The following SNRNP40 variants were observed in gnomAD, a reference collection of about 807,000 sequenced individuals.
SNRNP40 encodes U5 small nuclear ribonucleoprotein 40 kDa protein.
A neutral mutation model predicts 45.8 loss-of-function variants in SNRNP40; 21 were observed. That is an observed-to-expected ratio of 0.46 (90% confidence interval 0.32 to 0.66). The LOEUF (loss-of-function observed/expected upper bound fraction) is 0.66. Among genes scored for constraint, SNRNP40 ranks in the 30% least tolerant of loss-of-function variants. The pLI, the probability that SNRNP40 is intolerant of heterozygous loss-of-function variation, is 0.03. For synonymous variants in SNRNP40, 142 were observed against 163.8 expected, an observed-to-expected ratio of 0.87 and a Z score of 1.01; for missense variants, 344 against 439.1, an observed-to-expected ratio of 0.78 and a Z score of 1.94.
Position 31,271,407 on chromosome 1 carries a change from A to T in SNRNP40, c.747T>A (p.Tyr249Ter). 1 of 1,614,018 alleles carries T rather than the reference A, an allele frequency of 6.2e-7. No individual in the cohort carries two copies. Among genetic ancestry groups the T allele is most frequent in the Non-Finnish European group, 8.5e-7 (1 of 1,179,992 alleles). Residue 249 changes from tyrosine to a stop codon, truncating the protein, a stop_gained, in exon 6 of 10, where the codon TAT becomes TAA. Transcript: ENST00000263694. LOFTEE classifies it high-confidence loss of function. ...TATTGTCCATTGCATTGGACAAAAGATAAGAGCCTTCAGAACTTAAACTCA... is the reference window on the plus strand; with the variant it reads ...TATTGTCCATTGCATTGGACAAAAGTTAAGAGCCTTCAGAACTTAAACTCA... ...TGLSLSSEGS[Y>*]LLSNAMDNTV...
chr1:31,290,123 T>C (rs569972617), intron 3 of SNRNP40, among the ~76,000 whole-genome samples: 2 of 152,086 alleles, frequency 1.3e-5, no homozygotes, highest in Non-Finnish European at 2.9e-5. Flanking sequence ...CCTCCTACAG[T>C]GCTAGGGTTA....
At chr1:31,294,280 A>G (rs561611450) in intron 1 of SNRNP40, among the ~76,000 whole-genome samples, 1 of 152,058 alleles carries the variant, frequency 6.6e-6, no homozygotes, top group South Asian at 2.1e-4. Context: ...TTATTTTTTC[A>G]TAGCAAACGG....
intron 8 of SNRNP40, chr1:31,261,843 A>C: frequency 2.3e-6 from 1 of 426,862 alleles, no homozygotes; most frequent in East Asian, 3.8e-5. Context: ...AGAATAACTA[A>C]AAATATAAGC....
At chr1:31,287,281 G>A (rs3766289) in intron 4 of SNRNP40, among the ~76,000 whole-genome samples, 84,134 of 151,854 alleles carry the variant, frequency 0.55, 23,995 homozygotes, top group Non-Finnish European at 0.63. Flanking sequence ...TTAAAAATAG[G>A]AGCTGGTTAA....
At chr1:31,269,455 G>A in intron 6 of SNRNP40, 2 of 1,175,368 alleles carry the variant, frequency 1.7e-6, no homozygotes, top group South Asian at 5.0e-5. Context: ...CTAGCTGAGG[G>A]GGCAGGAAGG....
At position 31,276,315 on chromosome 1, in the gene SNRNP40, C is replaced by T. The variant is rs149739952; in HGVS notation, c.655-4816G>A. Among the ~76,000 whole-genome samples, 212 of 152,274 alleles carry T rather than the reference C, an allele frequency of 1.4e-3. 1 individual carries two copies. The highest frequency in any genetic ancestry group is 5.0e-3 in the African/African-American group (206 of 41,568). ...GCTTAAGCACAGGAATTCAAGGTTA[C>T]AGTGAGCTATGATTCCACCACCACA... On this transcript the variant is annotated intron_variant, in intron 5 of 9. Transcript: ENST00000263694.
At chr1:31,260,931 A>T in intron 9 of SNRNP40, 1 of 999,686 alleles carries the variant, frequency 1.0e-6, no homozygotes, top group Middle Eastern at 2.7e-4. Context: ...GATGGAAGTA[A>T]ATTTAAAAAA....
intron 7 of SNRNP40, 54 bp from the exon 8 acceptor site, chr1:31,267,986 G>C (rs1645911160): frequency 2.4e-6 from 3 of 1,262,654 alleles, no homozygotes; most frequent in South Asian, 2.4e-5. Flanking sequence ...CTCTTTGCAA[G>C]GCTACCGAAT....
intron 4 of SNRNP40, among the ~76,000 whole-genome samples, chr1:31,285,856 T>A (rs1646053898): frequency 6.6e-6 from 1 of 152,228 alleles, no homozygotes; most frequent in Non-Finnish European, 1.5e-5. Context: ...AAGTTATACA[T>A]CTTTGGTAGG....
In SNRNP40 at chr1:31,293,365, C is replaced by T; in HGVS notation, c.142-17G>A. On this transcript the variant is annotated splice_polypyrimidine_tract_variant and intron_variant, in intron 1 of 9. Coordinates refer to ENST00000263694, the MANE Select transcript of SNRNP40 (RefSeq NM_004814.3). The stretch of plus-strand genomic sequence containing the variant: ...TGGAGGTCCCTAAACAAAAGAGAAG[C>T]ACAAGGTAACTACTGCATACAGACA... 6.3e-7 allele frequency: 1 copy of T among 1,597,240 alleles called. No individual in the cohort carries two copies.
intron 5 of SNRNP40, among the ~76,000 whole-genome samples, chr1:31,275,637 G>A (rs563899547): frequency 1.6e-4 from 25 of 152,252 alleles, no homozygotes; most frequent in African/African-American, 2.4e-4. Context: ...TGATCTGCCC[G>A]CCTTGGCCTC....
intron 4 of SNRNP40, 139 bp downstream of exon 4, chr1:31,289,115 G>T: frequency 3.1e-6 from 2 of 645,710 alleles, no homozygotes; most frequent in East Asian, 2.7e-5. Context: ...ATTTTAAATG[G>T]GGAAAAATTT....
chr1:31,292,287 A>G (rs1030631278), intron 2 of SNRNP40, among the ~76,000 whole-genome samples: 2 of 152,186 alleles, frequency 1.3e-5, no homozygotes, highest in African/African-American at 4.8e-5. Context: ...ACTTGAACCC[A>G]GGAGACGGAG....
Position 31,262,932 on chromosome 1 carries a change from G to A in SNRNP40, c.921-1300C>T, listed in dbSNP as rs573798550. On this transcript the variant is annotated intron_variant, in intron 8 of 9. Transcript: ENST00000263694. ...TGGGAGGACTGATTGAGTCCAGCACGTAGAGGCTGCAGTGAGCTGAGATGG... is the reference window on the plus strand; with the variant it reads ...TGGGAGGACTGATTGAGTCCAGCACATAGAGGCTGCAGTGAGCTGAGATGG... Among the ~76,000 whole-genome samples the A allele has an allele frequency of 2.6e-5, 4 of 151,980 alleles. 1 individual carries two copies. In the South Asian group the frequency reaches 8.3e-4, roughly 32 times the overall value.
chr1:31,269,389 T>G, intron 6 of SNRNP40, 149 bp from the exon 7 acceptor site: 1 of 1,415,288 alleles, frequency 7.1e-7, no homozygotes, highest in Non-Finnish European at 9.3e-7. Context: ...CTGCTACCTG[T>G]TAAGGCTCTT....
intron 8 of SNRNP40, among the ~76,000 whole-genome samples, chr1:31,265,603 G>A (rs1645890316): frequency 6.6e-6 from 1 of 152,204 alleles, no homozygotes; most frequent in Non-Finnish European, 1.5e-5. Context: ...CACTTTGGGA[G>A]GCCGAGGCAG....
At chr1:31,295,667 C>T (rs1646144352) in intron 1 of SNRNP40, among the ~76,000 whole-genome samples, 1 of 152,166 alleles carries the variant, frequency 6.6e-6, no homozygotes. Context: ...AAGTACAAAG[C>T]CACCAGAAAG....
chr1:31,275,549 G>A (rs1481458598), intron 5 of SNRNP40, among the ~76,000 whole-genome samples: 1 of 151,954 alleles, frequency 6.6e-6, no homozygotes, highest in Non-Finnish European at 1.5e-5. Flanking sequence ...GCCACCACGC[G>A]CAGCTAATTT....
rs936916126 is a variant in SNRNP40, at chr1:31,260,081, C to G, written c.1065G>C (p.Glu355Asp). 6.2e-7 allele frequency: 1 copy of G among 1,610,434 alleles called. No individual in the cohort carries two copies. The highest frequency in any genetic ancestry group is 1.3e-5 in the African/African-American group (1 of 74,950). ...ASSDKRLYMG[E>D]IQ ...CTTCCAGTCCATATCTTCACTGAAT[C>G]TCTCCCATATACAGTCTCTTGTCAC... The change falls in exon 10 of 10, where the codon GAG becomes GAC. Residue 355 changes from glutamate to aspartate, a missense_variant. Coordinates refer to ENST00000263694, the MANE Select transcript of SNRNP40 (RefSeq NM_004814.3).
Sources: gnomAD v4.1 joint callset for allele counts (sites outside exome capture counted in the v4.1 genomes callset) on GRCh38, gnomAD v4.1.1 for gene constraint, MANE v1.5 for transcripts, NCBI Gene and HGNC (gene_info 2026-07-23, HGNC 2026-07-21) for gene names.